The following LOC128462377 variants were observed in gnomAD, a reference collection of about 807,000 sequenced individuals.
the LOC128462377 span, among the ~76,000 whole-genome samples, chr16:89,413,395 G>T: frequency 1.3e-5 from 2 of 152,182 alleles, no homozygotes; most frequent in Non-Finnish European, 2.9e-5. Context: ...GGAGGCTGAG[G>T]TGGGCAGATC....
chr16:89,400,949 A>ACACAT, the LOC128462377 span, among the ~76,000 whole-genome samples: 1 of 152,158 alleles, frequency 6.6e-6, no homozygotes, highest in Non-Finnish European at 1.5e-5. Context: ...GGGTTCACAG[A>ACACAT]CACATCCCCC....
chr16:89,411,782 T>C, the LOC128462377 span, among the ~76,000 whole-genome samples: 2 of 152,130 alleles, frequency 1.3e-5, no homozygotes, highest in Non-Finnish European at 2.9e-5. Flanking sequence ...AAATAAATAA[T>C]TAAGATCCTT....
At chr16:89,372,151 G>C in the LOC128462377 span, among the ~76,000 whole-genome samples, 1 of 152,226 alleles carries the variant, frequency 6.6e-6, no homozygotes, top group Admixed American at 6.5e-5. Flanking sequence ...CCTGGCCTGG[G>C]AAGAAGGACC....
At chr16:89,334,601 G>A in the LOC128462377 span, among the ~76,000 whole-genome samples, 6 of 152,080 alleles carry the variant, frequency 3.9e-5, no homozygotes, top group African/African-American at 1.4e-4. Context: ...GGGTAGGCCA[G>A]ACCCTGACCC....
At chr16:89,357,615 G>T in the LOC128462377 span, among the ~76,000 whole-genome samples, 1 of 152,214 alleles carries the variant, frequency 6.6e-6, no homozygotes, top group Non-Finnish European at 1.5e-5. Context: ...GCAAACCCGA[G>T]TGTCCCCTGG....
At chr16:89,382,442 C>T in the LOC128462377 span, among the ~76,000 whole-genome samples, 1 of 152,068 alleles carries the variant, frequency 6.6e-6, no homozygotes. Flanking sequence ...TCTCCTGCCT[C>T]GGCCTCCTGA....
chr16:89,370,537 TC>T, the LOC128462377 span: 1 of 152,216 alleles, frequency 6.6e-6, no homozygotes, highest in Non-Finnish European at 1.5e-5. Flanking sequence ...GGAGCACACC[TC>T]CTGCTGATGG....
At chr16:89,342,203 C>A in the LOC128462377 span, among the ~76,000 whole-genome samples, 19 of 152,244 alleles carry the variant, frequency 1.2e-4, no homozygotes, top group Non-Finnish European at 8.8e-5. Flanking sequence ...AGGTAGGTCT[C>A]CACCATGAGA....
the LOC128462377 span, among the ~76,000 whole-genome samples, chr16:89,353,445 G>A: frequency 2.6e-5 from 4 of 151,980 alleles, no homozygotes; most frequent in Admixed American, 1.3e-4. Flanking sequence ...GCAGTAAGAG[G>A]AACACCAGTC....
At chr16:89,353,755 C>T in the LOC128462377 span, among the ~76,000 whole-genome samples, 1 of 152,234 alleles carries the variant, frequency 6.6e-6, no homozygotes, top group African/African-American at 2.4e-5. Context: ...GCTGGGATTA[C>T]AGGCGTGAGC....
the LOC128462377 span, among the ~76,000 whole-genome samples, chr16:89,326,552 G>A: frequency 6.6e-6 from 1 of 152,130 alleles, no homozygotes; most frequent in South Asian, 2.1e-4. Flanking sequence ...TGAGACCCGG[G>A]CAATGTAGGG....
the LOC128462377 span, among the ~76,000 whole-genome samples, chr16:89,405,060 G>A: frequency 6.6e-6 from 1 of 151,894 alleles, no homozygotes; most frequent in African/African-American, 2.4e-5. Context: ...AACACAGCCC[G>A]ACGCCCCGTC....
At chr16:89,401,105 C>T in the LOC128462377 span, among the ~76,000 whole-genome samples, 2 of 150,084 alleles carry the variant, frequency 1.3e-5, no homozygotes, top group African/African-American at 4.9e-5. Context: ...CCCGCCCTCC[C>T]CCTCCCCAGA....
chr16:89,367,503 G>A, the LOC128462377 span, among the ~76,000 whole-genome samples: 1 of 152,180 alleles, frequency 6.6e-6, no homozygotes, highest in African/African-American at 2.4e-5. Flanking sequence ...AGCTGCCATG[G>A]TCACCCACGC....
At chr16:89,370,098 GGAA>G in the LOC128462377 span, among the ~76,000 whole-genome samples, 1 of 152,204 alleles carries the variant, frequency 6.6e-6, no homozygotes, top group Admixed American at 6.5e-5. Flanking sequence ...AGGCATGGCA[GGAA>G]GAAGACACAC....
the LOC128462377 span, among the ~76,000 whole-genome samples, chr16:89,340,381 G>A: frequency 6.6e-5 from 10 of 152,198 alleles, no homozygotes; most frequent in East Asian, 1.5e-3. Context: ...GGGTTCAAGC[G>A]GTTCTCCTGC....
the LOC128462377 span, among the ~76,000 whole-genome samples, chr16:89,393,890 A>G: frequency 6.6e-6 from 1 of 152,214 alleles, no homozygotes. Context: ...AATGTGTCAA[A>G]AAACAAAAGC....
the LOC128462377 span, among the ~76,000 whole-genome samples, chr16:89,389,769 G>T: frequency 6.9e-6 from 1 of 144,246 alleles, no homozygotes; most frequent in African/African-American, 2.6e-5. Context: ...CGAGAGAGAA[G>T]ATCACTGGGG....
At chr16:89,354,859 C>T in the LOC128462377 span, among the ~76,000 whole-genome samples, 11 of 152,114 alleles carry the variant, frequency 7.2e-5, no homozygotes, top group Non-Finnish European at 1.2e-4. Flanking sequence ...TGCACTCCAG[C>T]CTGGGAGACA....
Sources: allele counts gnomAD v4.1 joint callset (sites outside exome capture counted in the v4.1 genomes callset), GRCh38; gene constraint gnomAD v4.1.1; transcripts MANE v1.5.